TMEM266: variants seen among roughly 807,000 people sequenced by gnomAD.
The protein encoded by TMEM266 is Hv1 related protein 1.
TMEM266 carries 33 observed loss-of-function variants against 50.5 expected under a neutral mutation model. That is an observed-to-expected ratio of 0.65 (90% CI 0.50 to 0.87). The LOEUF (loss-of-function observed/expected upper bound fraction) is 0.87. TMEM266 is among the 40% of genes least tolerant of loss of function. TMEM266 has a pLI of 0.00. For synonymous variants in TMEM266, 310 were observed against 292.3 expected (o/e 1.06, Z -0.62); for missense variants, 655 against 695.1 (o/e 0.94, Z 0.65).
chr15:76,073,433 A>G (rs1596085434), intron 1 of TMEM266, among the ~76,000 whole-genome samples: 1 of 152,030 alleles, frequency 6.6e-6, no homozygotes, highest in South Asian at 2.1e-4. Context: ...GGGTTTCACC[A>G]TGTTGGCCAG....
intron 8 of TMEM266, among the ~76,000 whole-genome samples, chr15:76,189,153 C>T (rs1299382436): frequency 6.6e-6 from 1 of 151,866 alleles, no homozygotes; most frequent in African/African-American, 2.4e-5. Flanking sequence ...GATCATGCCA[C>T]TGCACTTTAG....
Position 76,086,559 on chromosome 15 carries a change from G to T in TMEM266, c.-97+26543G>T, listed in dbSNP as rs550531648. On this transcript the variant is annotated intron_variant, in intron 1 of 10. Transcript: ENST00000388942. ...TTAAAAATGAAAGTACTCTCCACAGGCTGGGAGCAGCCCAAGCAAGGGGCT... is the reference window on the plus strand; with the variant it reads ...TTAAAAATGAAAGTACTCTCCACAGTCTGGGAGCAGCCCAAGCAAGGGGCT... 3.3e-5 allele frequency among the ~76,000 whole-genome samples: 5 copies of T among 152,332 alleles called. No individual in the cohort carries two copies. In the South Asian group the frequency reaches 1.0e-3, roughly 32 times the overall value.
Position 76,166,568 on chromosome 15 carries a change from C to T in TMEM266, c.457-3248C>T, listed in dbSNP as rs142211092. Among the ~76,000 whole-genome samples the T allele has an allele frequency of 7.5e-4, 114 of 152,288 alleles. 1 individual carries two copies. The highest frequency in any genetic ancestry group is 2.6e-3 in the African/African-American group (109 of 41,554). ...AAAACCATTCAGCCCCTTTCCTTCCCGGGGCACAGAGGCTCTGGGTGCGCT... is the reference window on the plus strand; with the variant it reads ...AAAACCATTCAGCCCCTTTCCTTCCTGGGGCACAGAGGCTCTGGGTGCGCT... On this transcript the variant is annotated intron_variant, in intron 5 of 10. Transcript: ENST00000388942.
intron 9 of TMEM266, among the ~76,000 whole-genome samples, chr15:76,196,323 C>CA (rs2038656093): frequency 1.3e-5 from 2 of 152,156 alleles, no homozygotes; most frequent in Admixed American, 6.5e-5. Flanking sequence ...CACATTGTTT[C>CA]ACAGCCAGCC....
chr15:76,190,164 C>T (rs1455519473), intron 8 of TMEM266, among the ~76,000 whole-genome samples: 1 of 152,188 alleles, frequency 6.6e-6, no homozygotes, highest in African/African-American at 2.4e-5. Flanking sequence ...TGGGGGGCTG[C>T]CCTAGGTGGT....
intron 1 of TMEM266, among the ~76,000 whole-genome samples, chr15:76,089,522 T>C (rs909148183): frequency 6.6e-6 from 1 of 151,982 alleles, no homozygotes; most frequent in Non-Finnish European, 1.5e-5. Flanking sequence ...AATTGTAGAA[T>C]TCGTGGGGTT....
At chr15:76,113,732 G>A (rs2037208465) in intron 1 of TMEM266, 1 of 151,992 alleles carries the variant, frequency 6.6e-6, no homozygotes, top group Admixed American at 6.6e-5. Flanking sequence ...ACACGATGAA[G>A]CCCCATCTCC....
chr15:76,204,917 C>A lies in TMEM266; in HGVS notation c.*602C>A, dbSNP rs965554446. On this transcript the variant is annotated 3_prime_UTR_variant, in exon 11 of 11. Transcript: ENST00000388942. Reference sequence around the variant, plus strand: ...AGGGTCCTAGAGGGCAGGGGAACAACCATTTTCCAACCTTGGCTTTAATAA... The same window carrying A: ...AGGGTCCTAGAGGGCAGGGGAACAAACATTTTCCAACCTTGGCTTTAATAA... 1 of 152,668 alleles carries A rather than the reference C, an allele frequency of 6.6e-6. No homozygotes were observed. Among genetic ancestry groups the A allele is most frequent in the Non-Finnish European group, 1.5e-5 (1 of 68,068 alleles). The allele number at this position is 152,668 out of a possible 1,614,324, so 9.5% of individuals were successfully genotyped here.
At chr15:76,179,370 C>A (rs974192187) in intron 8 of TMEM266, among the ~76,000 whole-genome samples, 3 of 152,162 alleles carry the variant, frequency 2.0e-5, no homozygotes, top group Non-Finnish European at 2.9e-5. Context: ...CCACCAGCCC[C>A]ACCACACCTG....
chr15:76,065,060 T>C (rs1391636267), intron 1 of TMEM266, among the ~76,000 whole-genome samples: 1 of 152,232 alleles, frequency 6.6e-6, no homozygotes, highest in African/African-American at 2.4e-5. Flanking sequence ...TAAAAAACAA[T>C]TTCTATGACA....
intron 1 of TMEM266, among the ~76,000 whole-genome samples, chr15:76,090,325 C>G (rs2036831551): frequency 6.6e-6 from 1 of 151,600 alleles, no homozygotes; most frequent in African/African-American, 2.4e-5. Context: ...AACCTTGGCT[C>G]TACTAAAAAT....
intron 1 of TMEM266, among the ~76,000 whole-genome samples, chr15:76,084,565 A>G (rs1408687594): frequency 6.6e-6 from 1 of 151,578 alleles, no homozygotes; most frequent in Non-Finnish European, 1.5e-5. Context: ...AAATTTGGAC[A>G]TATTTAAGAG....
chr15:76,068,978 A>G (rs1299251155), intron 1 of TMEM266, among the ~76,000 whole-genome samples: 1 of 151,990 alleles, frequency 6.6e-6, no homozygotes, highest in East Asian at 1.9e-4. Context: ...TCCTTCCCAC[A>G]CTTTCTCCCG....
chr15:76,088,508 A>G (rs1246784471), intron 1 of TMEM266, among the ~76,000 whole-genome samples: 1 of 152,156 alleles, frequency 6.6e-6, no homozygotes, highest in African/African-American at 2.4e-5. Context: ...AAAAAAGAAA[A>G]TAAAGTGGTT....
chr15:76,146,570 G>A (rs2037760212), intron 3 of TMEM266, among the ~76,000 whole-genome samples: 1 of 152,106 alleles, frequency 6.6e-6, no homozygotes, highest in South Asian at 2.1e-4. Context: ...AAACATAATG[G>A]GGGCACAGGG....
chr15:76,146,494 T>G (rs561645898), intron 3 of TMEM266, among the ~76,000 whole-genome samples: 1 of 152,074 alleles, frequency 6.6e-6, no homozygotes, highest in African/African-American at 2.4e-5. Flanking sequence ...CAGATATAAA[T>G]GGATGTTATT....
chr15:76,105,182 G>C (rs772671466), intron 1 of TMEM266, among the ~76,000 whole-genome samples: 2 of 152,010 alleles, frequency 1.3e-5, no homozygotes, highest in Non-Finnish European at 2.9e-5. Flanking sequence ...GGAGGCGAAG[G>C]TTGCAGTAAG....
intron 3 of TMEM266, among the ~76,000 whole-genome samples, chr15:76,148,038 C>T (rs1201070227): frequency 6.6e-6 from 1 of 152,194 alleles, no homozygotes; most frequent in Non-Finnish European, 1.5e-5. Context: ...AGCAAAATAT[C>T]CGTCCGTCCC....
chr15:76,190,811 G>T (rs1459543261), intron 8 of TMEM266, among the ~76,000 whole-genome samples: 1 of 152,166 alleles, frequency 6.6e-6, no homozygotes. Flanking sequence ...GGCTGGCGAG[G>T]TGCATTTGCG....
Sources: gnomAD v4.1 joint callset for allele counts (sites outside exome capture counted in the v4.1 genomes callset) on GRCh38, gnomAD v4.1.1 for gene constraint, MANE v1.5 for transcripts, NCBI Gene and HGNC (gene_info 2026-07-23, HGNC 2026-07-21) for gene names.